The following CACNA2D3 variants were observed in gnomAD, a reference collection of about 807,000 sequenced individuals.
CACNA2D3 encodes voltage-dependent calcium channel subunit alpha-2/delta-3.
A neutral mutation model predicts 160.6 loss-of-function variants in CACNA2D3; 60 were observed. The observed-to-expected ratio is 0.37, with a 90% CI of 0.30 to 0.46. The LOEUF (loss-of-function observed/expected upper bound fraction) is 0.46, where lower values mean the gene tolerates loss of function less well. Among genes scored for constraint, CACNA2D3 ranks in the 20% least tolerant of loss-of-function variants. The probability of loss-of-function intolerance (pLI) is 1.00; values close to 1 mark genes in which losing one functional copy is unlikely to be tolerated. For missense variants in CACNA2D3, 1,205 were observed against 1,365.0 expected (o/e 0.88, Z 1.85); for synonymous variants, 558 against 492.9 (o/e 1.13, Z -1.75).
chr3:54,764,203 C>T lies in CACNA2D3; in HGVS notation c.1247-15C>T, dbSNP rs370788811. 1.5e-5 allele frequency: 24 copies of T among 1,613,394 alleles called. No homozygotes were observed. In the African/African-American group the frequency reaches 1.9e-4, roughly 13 times the overall value. ...TGTCTGTTACTAAACTTGGCCCTCC[C>T]TTGGGTTTTGACAGGATTTTTTACC... On this transcript the variant is annotated splice_polypyrimidine_tract_variant and intron_variant, in intron 12 of 37. Coordinates refer to ENST00000474759, the MANE Select transcript of CACNA2D3 (RefSeq NM_018398.3).
chr3:54,185,996 C>T (rs1700873430), intron 2 of CACNA2D3, among the ~76,000 whole-genome samples: 1 of 152,180 alleles, frequency 6.6e-6, no homozygotes, highest in African/African-American at 2.4e-5. Context: ...TCCCATCCTC[C>T]CCCAGATCTC....
intron 2 of CACNA2D3, among the ~76,000 whole-genome samples, chr3:54,163,867 G>A (rs966445927): frequency 1.3e-5 from 2 of 152,136 alleles, no homozygotes; most frequent in Non-Finnish European, 2.9e-5. Context: ...GAGGTACCTG[G>A]CCCTTTGCTA....
At chr3:54,963,261 TCTA>T (rs1406063119) in intron 27 of CACNA2D3, among the ~76,000 whole-genome samples, 2 of 152,170 alleles carry the variant, frequency 1.3e-5, no homozygotes, top group Admixed American at 6.5e-5. Flanking sequence ...TCTCATTTCT[TCTA>T]CCTCTGGGGA....
intron 4 of CACNA2D3, among the ~76,000 whole-genome samples, chr3:54,391,931 T>C (rs572259798): frequency 1.8e-4 from 28 of 152,264 alleles, no homozygotes; most frequent in African/African-American, 6.7e-4. Flanking sequence ...TTCCCTGATA[T>C]CTTCATTGGG....
At chr3:54,618,086 C>T (rs1698894857) in intron 9 of CACNA2D3, among the ~76,000 whole-genome samples, 1 of 151,536 alleles carries the variant, frequency 6.6e-6, no homozygotes, top group Admixed American at 6.6e-5. Context: ...TTACTGAGTG[C>T]CTACTATATG....
At chr3:54,337,362 AG>A (rs1704408427) in intron 3 of CACNA2D3, among the ~76,000 whole-genome samples, 1 of 152,212 alleles carries the variant, frequency 6.6e-6, no homozygotes, top group East Asian at 1.9e-4. Flanking sequence ...AGCGTCCCAG[AG>A]GGAAAGCTTG....
intron 4 of CACNA2D3, among the ~76,000 whole-genome samples, chr3:54,411,834 A>G (rs1699673053): frequency 6.6e-6 from 1 of 152,248 alleles, no homozygotes; most frequent in African/African-American, 2.4e-5. Context: ...GAGCCAGGAT[A>G]TCACCTGTTT....
chr3:54,320,109 C>A (rs1381440313), intron 2 of CACNA2D3, among the ~76,000 whole-genome samples: 1 of 152,148 alleles, frequency 6.6e-6, no homozygotes, highest in Admixed American at 6.6e-5. Flanking sequence ...TATGTGATGG[C>A]TTTTAAATGA....
rs140039517 is a variant in CACNA2D3, at chr3:54,328,323, C to T, written c.321+7765C>T. The stretch of plus-strand genomic sequence containing the variant: ...TGAGACGCAGTTTCACTCTTGTTGC[C>T]CAGGCTGGAGTGCAATGGCCCGATC... On this transcript the variant is annotated intron_variant, in intron 3 of 37. Transcript: ENST00000474759. Among the ~76,000 whole-genome samples, 151 of 152,222 alleles carry T rather than the reference C, an allele frequency of 9.9e-4. 1 individual carries two copies. The highest frequency in any genetic ancestry group is 3.4e-3 in the African/African-American group (140 of 41,522).
At chr3:54,992,012 A>G (rs576276447) in intron 31 of CACNA2D3, among the ~76,000 whole-genome samples, 25 of 151,906 alleles carry the variant, frequency 1.6e-4, no homozygotes, top group African/African-American at 5.3e-4. Flanking sequence ...ACTACATAGC[A>G]GTTACCTTTA....
chr3:54,887,321 G>A (rs1699949769), intron 23 of CACNA2D3, among the ~76,000 whole-genome samples: 1 of 152,092 alleles, frequency 6.6e-6, no homozygotes, highest in Admixed American at 6.5e-5. Context: ...CAGCTACTTG[G>A]GAGGCTGAGG....
chr3:54,957,133 T>G (rs79335053), intron 27 of CACNA2D3, among the ~76,000 whole-genome samples: 7 of 151,748 alleles, frequency 4.6e-5, no homozygotes, highest in East Asian at 2.0e-4. Context: ...CTATGTGATA[T>G]AATTCCTATG....
chr3:54,984,725 C>A, intron 30 of CACNA2D3, 55 bp downstream of exon 30: 3 of 1,054,704 alleles, frequency 2.8e-6, no homozygotes, highest in South Asian at 1.5e-5. Context: ...GTGCTTGGGT[C>A]AGGGGGAACA....
intron 6 of CACNA2D3, among the ~76,000 whole-genome samples, chr3:54,564,374 T>G (rs1465193046): frequency 6.6e-6 from 1 of 152,206 alleles, no homozygotes; most frequent in Non-Finnish European, 1.5e-5. Context: ...TTACTGTTCT[T>G]TTAGGACTTT....
chr3:54,379,347 G>A (rs1271251659), intron 3 of CACNA2D3, among the ~76,000 whole-genome samples: 2 of 152,214 alleles, frequency 1.3e-5, no homozygotes, highest in African/African-American at 4.8e-5. Flanking sequence ...CTTAAAAGCT[G>A]TGTTTCTCCA....
At chr3:54,236,317 T>C (rs1701874989) in intron 2 of CACNA2D3, among the ~76,000 whole-genome samples, 1 of 152,236 alleles carries the variant, frequency 6.6e-6, no homozygotes, top group Non-Finnish European at 1.5e-5. Flanking sequence ...CAATTAATAG[T>C]AATGTATTAA....
At chr3:54,864,519 G>A (rs541374642) in intron 17 of CACNA2D3, among the ~76,000 whole-genome samples, 2 of 152,166 alleles carry the variant, frequency 1.3e-5, no homozygotes, top group African/African-American at 4.8e-5. Context: ...CTCAGCCTCC[G>A]AAAGTGCTGG....
intron 11 of CACNA2D3, among the ~76,000 whole-genome samples, chr3:54,751,792 C>T (rs1440110265): frequency 6.6e-6 from 1 of 151,968 alleles, no homozygotes; most frequent in Non-Finnish European, 1.5e-5. Flanking sequence ...CCACAGGCTG[C>T]ACATGGCCCA....
intron 11 of CACNA2D3, among the ~76,000 whole-genome samples, chr3:54,689,394 C>G (rs900767327): frequency 1.8e-4 from 27 of 152,114 alleles, no homozygotes; most frequent in Non-Finnish European, 3.5e-4. Context: ...TCTTTCAATT[C>G]CATCTACATG....
Sources: allele counts gnomAD v4.1 joint callset (sites outside exome capture counted in the v4.1 genomes callset), GRCh38; gene constraint gnomAD v4.1.1; transcripts MANE v1.5; gene names NCBI Gene and HGNC (gene_info 2026-07-23, HGNC 2026-07-21).